The following PGLYRP4 variants were observed in gnomAD, a reference collection of about 807,000 sequenced individuals.
PGLYRP4 encodes peptidoglycan recognition protein 4, also known as PGRP-I-beta.
A neutral mutation model predicts 41.2 loss-of-function variants in PGLYRP4; 39 were observed. The observed-to-expected ratio is 0.95, with a 90% CI of 0.73 to 1.24. PGLYRP4 has a LOEUF of 1.24. Ranked by LOEUF, PGLYRP4 falls within the 50% of genes most tolerant of loss-of-function variation. The pLI, the probability that PGLYRP4 is intolerant of heterozygous loss-of-function variation, is 0.00. For synonymous variants in PGLYRP4, 202 were observed against 186.8 expected (o/e 1.08, Z -0.66); for missense variants, 467 against 460.7 (o/e 1.01, Z -0.13).
intron 8 of PGLYRP4, among the ~76,000 whole-genome samples, chr1:153,332,539 C>T (rs1238143181): frequency 1.3e-5 from 2 of 152,112 alleles, no homozygotes; most frequent in Admixed American, 1.3e-4. Flanking sequence ...ACCTAGCAGA[C>T]ATTTACAGAA....
chr1:153,340,503 C>A lies in PGLYRP4; in HGVS notation c.702G>T (p.Lys234Asn). Residue 234 changes from lysine to asparagine, a missense_variant, in exon 7 of 9, where the codon AAG becomes AAT. By Grantham distance (94) the Lys-to-Asn change is moderately conservative. Coordinates refer to ENST00000359650, the MANE Select transcript of PGLYRP4 (RefSeq NM_020393.4). The part of the protein sequence containing the change: ...THCPRMTLPA[K>N]YGIIIHTAGR... ...CGGCAGTGTGGATAATGATGCCATACTTCGCTGGGAGAGTCATCCTGGGAC... is the reference window on the plus strand; with the variant it reads ...CGGCAGTGTGGATAATGATGCCATAATTCGCTGGGAGAGTCATCCTGGGAC... 6.2e-7 allele frequency: 1 copy of A among 1,614,208 alleles called. No homozygotes were observed. Among genetic ancestry groups the A allele is most frequent in the African/African-American group, 1.3e-5 (1 of 75,058 alleles).
At chr1:153,340,255 G>T in intron 7 of PGLYRP4, 126 bp downstream of exon 7, 2 of 800,836 alleles carry the variant, frequency 2.5e-6, no homozygotes, top group Non-Finnish European at 2.1e-6. Context: ...AATTCATTTG[G>T]TTATCCATAC....
intron 4 of PGLYRP4, among the ~76,000 whole-genome samples, chr1:153,343,981 A>C (rs1027013928): frequency 6.6e-6 from 1 of 152,134 alleles, no homozygotes; most frequent in African/African-American, 2.4e-5. Context: ...GCACTAAGAT[A>C]AGGAAGCTAA....
At chr1:153,336,018 CTGAA>C (rs1660542745) in intron 8 of PGLYRP4, among the ~76,000 whole-genome samples, 3 of 144,020 alleles carry the variant, frequency 2.1e-5, no homozygotes, top group African/African-American at 7.8e-5. Context: ...CAATGGATGA[CTGAA>C]TAAAGAAAAG....
intron 8 of PGLYRP4, among the ~76,000 whole-genome samples, chr1:153,334,468 T>TTTATATATA (rs1553197037): frequency 7.0e-6 from 1 of 142,530 alleles, no homozygotes; most frequent in Non-Finnish European, 1.5e-5. Context: ...ATATATTTAT[T>TTTATATATA]TATATATATT....
chr1:153,340,375 A>G lies in PGLYRP4; in HGVS notation c.824+6T>C. ...AAAGAAGCCCAGTGTACCCAGACCCACTCACTTATAACCAATGTCGCATGA... is the reference window on the plus strand; with the variant it reads ...AAAGAAGCCCAGTGTACCCAGACCCGCTCACTTATAACCAATGTCGCATGA... On this transcript the variant is annotated splice_donor_region_variant and intron_variant, in intron 7 of 8. Coordinates refer to ENST00000359650, the MANE Select transcript of PGLYRP4 (RefSeq NM_020393.4). 2 of 1,613,290 alleles carry G rather than the reference A, an allele frequency of 1.2e-6. No individual in the cohort carries two copies. Among genetic ancestry groups the G allele is most frequent in the Non-Finnish European group, 1.7e-6 (2 of 1,179,436 alleles).
chr1:153,338,020 C>T (rs1660638243), intron 7 of PGLYRP4, among the ~76,000 whole-genome samples: 1 of 152,182 alleles, frequency 6.6e-6, no homozygotes, highest in Non-Finnish European at 1.5e-5. Context: ...TCTCTTCTCC[C>T]CATACTCCAC....
chr1:153,330,687 G>T lies in PGLYRP4; in HGVS notation c.*80C>A. On this transcript the variant is annotated 3_prime_UTR_variant, in exon 9 of 9. Coordinates refer to ENST00000359650, the MANE Select transcript of PGLYRP4 (RefSeq NM_020393.4). Reference sequence around the variant, plus strand: ...GTGGCAGGGGAGGAGGGCAAAAGGTGTTGAGCCAAGCTGGATGGTTAGGAC... The same window carrying T: ...GTGGCAGGGGAGGAGGGCAAAAGGTTTTGAGCCAAGCTGGATGGTTAGGAC... 7.7e-7 allele frequency: 1 copy of T among 1,295,704 alleles called. No individual in the cohort carries two copies. The highest frequency in any genetic ancestry group is 1.1e-6 in the Non-Finnish European group (1 of 916,378). 80.3% of individuals were successfully genotyped at this position (1,295,704 alleles called of 1,614,324 possible).
chr1:153,334,434 GTGTA>G (rs1660458410), intron 8 of PGLYRP4, among the ~76,000 whole-genome samples: 3 of 114,296 alleles, frequency 2.6e-5, no homozygotes, highest in Non-Finnish European at 5.9e-5. Context: ...TTCCTAGTAT[GTGTA>G]TGTGTGTGTA....
chr1:153,340,242 A>C, intron 7 of PGLYRP4, 139 bp downstream of exon 7: 1 of 731,464 alleles, frequency 1.4e-6, no homozygotes, highest in Non-Finnish European at 2.3e-6. Flanking sequence ...GGGTCGTGTG[A>C]TGAATTCATT....
At chr1:153,331,088 C>T in intron 8 of PGLYRP4, 143 bp from the exon 9 acceptor site, 1 of 573,946 alleles carries the variant, frequency 1.7e-6, no homozygotes. Context: ...AAAACAAGGT[C>T]AAGACTTCAG....
rs561545733 is a variant in PGLYRP4, at chr1:153,345,364, G to A, written c.158C>T (p.Ser53Phe). 2 of 1,614,144 alleles carry A rather than the reference G, an allele frequency of 1.2e-6. No individual in the cohort carries two copies. The highest frequency in any genetic ancestry group is 4.5e-5 in the East Asian group (2 of 44,892). ...LTEKGLPTDV[S>F]TTVSRKAWGA... ...CCATGCCTTGCGAGAGACCGTGGTGGAGACATCTGTGGGAAGGCCTTGGGG... is the reference window on the plus strand; with the variant it reads ...CCATGCCTTGCGAGAGACCGTGGTGAAGACATCTGTGGGAAGGCCTTGGGG... The change falls in exon 4 of 9, where the codon TCC becomes TTC. Residue 53 changes from serine (S) to phenylalanine (F), a missense_variant. Coordinates refer to ENST00000359650, the MANE Select transcript of PGLYRP4 (RefSeq NM_020393.4).
intron 1 of PGLYRP4, 127 bp from the exon 2 acceptor site, chr1:153,348,105 T>C (rs3006459): frequency 0.85 from 512,988 of 605,724 alleles, 217,787 homozygotes; most frequent in East Asian, 0.89. Flanking sequence ...CAGCACCTGC[T>C]TCAGTCTTCT....
chr1:153,345,465 G>T (rs1270291599), intron 3 of PGLYRP4, 83 bp from the exon 4 acceptor site: 6 of 1,287,646 alleles, frequency 4.7e-6, no homozygotes, highest in South Asian at 1.3e-5. Flanking sequence ...GGCTGTGTCG[G>T]CCCCTTGGTA....
In PGLYRP4 at chr1:153,343,225, T is replaced by C. The variant is rs752432229; in HGVS notation, c.354-17A>G. ...ACCAGGAAGCTATGGAGCAAGATAA[T>C]ACAGGTTTCATGGCTGGCACTGTAG... On this transcript the variant is annotated splice_polypyrimidine_tract_variant and intron_variant, in intron 4 of 8. Coordinates refer to ENST00000359650, the MANE Select transcript of PGLYRP4 (RefSeq NM_020393.4). 3.8e-6 allele frequency: 6 copies of C among 1,558,690 alleles called. No individual in the cohort carries two copies. Among genetic ancestry groups the C allele is most frequent in the South Asian group, 2.2e-5 (2 of 89,784 alleles).
Position 153,330,772 on chromosome 1 carries a change from G to C in PGLYRP4, c.1117C>G (p.His373Asp). Reference sequence around the variant, plus strand: ...AGAAGGACCTGGGGCTTCTCTCAGTGTTTGAAATGAGGCCAGGTGCTGATG... The same window carrying C: ...AGAAGGACCTGGGGCTTCTCTCAGTCTTTGAAATGAGGCCAGGTGCTGATG... ...NIISTWPHFK[H>D] The change falls in exon 9 of 9, where the codon CAC becomes GAC. Residue 373 changes from histidine (H) to aspartate (D), a missense_variant. By Grantham distance (81) the His-to-Asp change is moderately conservative. Transcript: ENST00000359650. The C allele has an allele frequency of 6.2e-7, 1 of 1,612,956 alleles. No individual in the cohort carries two copies. The highest frequency in any genetic ancestry group is 8.5e-7 in the Non-Finnish European group (1 of 1,179,140).
intron 8 of PGLYRP4, among the ~76,000 whole-genome samples, chr1:153,336,216 C>T (rs1323561023): frequency 1.3e-5 from 2 of 150,854 alleles, no homozygotes; most frequent in African/African-American, 2.4e-5. Flanking sequence ...ACTAAAAATG[C>T]AAAAATTAGC....
In PGLYRP4 at chr1:153,346,113, A is replaced by C. The variant is rs770638348; in HGVS notation, c.128T>G (p.Leu43Arg). 2.5e-6 allele frequency: 4 copies of C among 1,612,326 alleles called. No individual in the cohort carries two copies. The highest frequency in any genetic ancestry group is 3.4e-6 in the Non-Finnish European group (4 of 1,178,508). ...LQYLFENISQ[L>R]TEKGLPTDVS... ...CAGATCCAGTTTACCTTTTTCAGTG[A>C]GCTGGGAGATGTTCTCAAATAGGTA... Residue 43 changes from leucine to arginine, a missense_variant, in exon 3 of 9, where the codon CTC (leucine) becomes CGC (arginine). Leu to Arg is a moderately radical substitution (Grantham distance 102, BLOSUM62 -2). Transcript: ENST00000359650.
intron 5 of PGLYRP4, 132 bp from the exon 6 acceptor site, chr1:153,341,911 C>A: frequency 1.3e-6 from 1 of 763,670 alleles, no homozygotes. Flanking sequence ...GTTATGCCCC[C>A]AGTTGGAGAG....
Sources: allele counts gnomAD v4.1 joint callset (sites outside exome capture counted in the v4.1 genomes callset), GRCh38; gene constraint gnomAD v4.1.1; transcripts MANE v1.5; gene names NCBI Gene and HGNC (gene_info 2026-07-23, HGNC 2026-07-21).